CACNA2D1: variants seen among roughly 807,000 people sequenced by gnomAD.
CACNA2D1 encodes voltage-dependent calcium channel subunit alpha-2/delta-1.
In CACNA2D1, 53 loss-of-function variants were observed where a neutral mutation model predicts 171.5. The ratio of observed to expected loss-of-function variants is 0.31; its 90% CI spans 0.25 to 0.39. The LOEUF (loss-of-function observed/expected upper bound fraction) is 0.39. CACNA2D1 is among the 10% of genes least tolerant of loss of function. CACNA2D1 has a pLI of 1.00. For synonymous variants in CACNA2D1, 442 were observed against 443.1 expected, an observed-to-expected ratio of 1.00 and a Z score of 0.03; for missense variants, 903 against 1,299.8, an observed-to-expected ratio of 0.69 and a Z score of 4.69.
At chr7:82,274,093 A>G (rs986412375) in intron 3 of CACNA2D1, among the ~76,000 whole-genome samples, 2 of 151,912 alleles carry the variant, frequency 1.3e-5, no homozygotes, top group East Asian at 3.9e-4. Context: ...AACCACAGTG[A>G]CCCTCCTGAT....
intron 3 of CACNA2D1, among the ~76,000 whole-genome samples, chr7:82,325,526 A>G (rs1349950142): frequency 2.6e-5 from 4 of 152,160 alleles, no homozygotes; most frequent in Admixed American, 2.0e-4. Flanking sequence ...TAACTGGACA[A>G]ATGACAGACA....
Position 81,946,537 on chromosome 7 carries a change from A to G in CACNA2D1, c.*3855T>C. 1 of 152,300 alleles carries G rather than the reference A, an allele frequency of 6.6e-6. No individual in the cohort carries two copies. Among genetic ancestry groups the G allele is most frequent in the Admixed American group, 6.5e-5 (1 of 15,288 alleles). 9.4% of individuals were successfully genotyped at this position (152,300 alleles called of 1,614,324 possible). A position where few individuals can be genotyped will look rare whatever the true frequency, so the allele number is the denominator to read the frequency against. On this transcript the variant is annotated 3_prime_UTR_variant, in exon 39 of 39. Transcript: ENST00000356860. ...GGGATTATAAATATTTTATAACAGT[A>G]TTATACAAATTTTTACAAAATGTTT...
At chr7:82,187,331 T>C (rs1797876709) in intron 3 of CACNA2D1, among the ~76,000 whole-genome samples, 1 of 152,098 alleles carries the variant, frequency 6.6e-6, no homozygotes, top group African/African-American at 2.4e-5. Context: ...TTGGAATCCT[T>C]TCAAGCAACA....
At position 81,949,860 on chromosome 7, in the gene CACNA2D1, G is replaced by T. The variant is rs1193237758; in HGVS notation, c.*532C>A. 1 of 152,390 alleles carries T rather than the reference G, an allele frequency of 6.6e-6. No individual in the cohort carries two copies. The highest frequency in any genetic ancestry group is 1.9e-4 in the East Asian group (1 of 5,186). 9.4% of individuals were successfully genotyped at this position (152,390 alleles called of 1,614,324 possible). A position where few individuals can be genotyped will look rare whatever the true frequency, so the allele number is the denominator to read the frequency against. ...ATGGCAAATTTTTCATAGAAAATTA[G>T]CCATTATTTATATTTCAACAATTTA... On this transcript the variant is annotated 3_prime_UTR_variant, in exon 39 of 39. Coordinates refer to ENST00000356860, the MANE Select transcript of CACNA2D1 (RefSeq NM_000722.4).
intron 6 of CACNA2D1, among the ~76,000 whole-genome samples, chr7:82,115,314 T>G (rs1201768210): frequency 6.6e-6 from 1 of 152,070 alleles, no homozygotes; most frequent in East Asian, 1.9e-4. Context: ...ACCATATAGC[T>G]TAGCATTGTC....
chr7:82,183,047 A>G (rs1405591640), intron 3 of CACNA2D1, among the ~76,000 whole-genome samples: 5 of 152,006 alleles, frequency 3.3e-5, no homozygotes, highest in Non-Finnish European at 7.4e-5. Context: ...AAAAAAAAAA[A>G]AAAAAAGTGA....
Position 81,956,008 on chromosome 7 carries a change from A to G in CACNA2D1, c.3159+3267T>C, listed in dbSNP as rs139349688. Reference sequence around the variant, plus strand: ...TTTTTTTTTTTTTTTTTTTTTTGGAAATGGAGTCTAGCTCTGTGATCTAGG... The same window carrying G: ...TTTTTTTTTTTTTTTTTTTTTTGGAGATGGAGTCTAGCTCTGTGATCTAGG... On this transcript the variant is annotated intron_variant, in intron 38 of 38. Coordinates refer to ENST00000356860, the MANE Select transcript of CACNA2D1 (RefSeq NM_000722.4). Among the ~76,000 whole-genome samples the G allele has an allele frequency of 7.1e-3, 749 of 105,112 alleles. 8 individuals carry two copies. The highest frequency in any genetic ancestry group is 0.027 in the African/African-American group (708 of 26,692). 69.0% of individuals were successfully genotyped at this position (105,112 alleles called of 152,430 possible).
intron 3 of CACNA2D1, among the ~76,000 whole-genome samples, chr7:82,266,786 G>A (rs904855612): frequency 1.3e-5 from 2 of 152,068 alleles, no homozygotes; most frequent in African/African-American, 4.8e-5. Context: ...CAAAGTGCTG[G>A]GATTACAGGG....
rs1312208154 is a variant in CACNA2D1, at chr7:82,249,089, C to G, written c.295-78480G>C. 4.0e-5 allele frequency among the ~76,000 whole-genome samples: 6 copies of G among 150,880 alleles called. No homozygotes were observed. The South Asian group carries it at 1.3e-3, about 32-fold the overall frequency. On this transcript the variant is annotated intron_variant, in intron 3 of 38. Coordinates refer to ENST00000356860, the MANE Select transcript of CACNA2D1 (RefSeq NM_000722.4). ...TGAGATCGCGCCACTGCACTCCAGC[C>G]TGGGTGACAGAGTGAGACTCCATCT... is the stretch of plus-strand genomic sequence containing the variant.
intron 4 of CACNA2D1, among the ~76,000 whole-genome samples, chr7:82,165,719 T>C (rs550192605): frequency 6.6e-6 from 1 of 152,036 alleles, no homozygotes; most frequent in East Asian, 1.9e-4. Flanking sequence ...ATGATGAAGA[T>C]AAAGTCTCAA....
Position 82,429,999 on chromosome 7 carries a change from A to G in CACNA2D1, c.95+13366T>C, listed in dbSNP as rs1829535874. The stretch of plus-strand genomic sequence containing the variant: ...AGTCCCCCAACATTTTTGCAGATGT[A>G]AATTTAAGTCAATTCTAATAAAATG... On this transcript the variant is annotated intron_variant, in intron 1 of 38. Coordinates refer to ENST00000356860, the MANE Select transcript of CACNA2D1 (RefSeq NM_000722.4). 2.6e-5 allele frequency among the ~76,000 whole-genome samples: 4 copies of G among 152,184 alleles called. No homozygotes were observed. In the South Asian group the frequency reaches 8.3e-4, roughly 31 times the overall value.
At chr7:82,265,399 T>G (rs1369964243) in intron 3 of CACNA2D1, among the ~76,000 whole-genome samples, 1 of 148,088 alleles carries the variant, frequency 6.8e-6, no homozygotes, top group East Asian at 2.0e-4. Context: ...TCTATGCATA[T>G]TAACAATTTT....
chr7:82,118,121 A>G (rs1789293573), intron 5 of CACNA2D1, among the ~76,000 whole-genome samples: 1 of 152,172 alleles, frequency 6.6e-6, no homozygotes, highest in South Asian at 2.1e-4. Flanking sequence ...TTGACTCTTG[A>G]GGCAGGAATG....
chr7:81,965,749 G>A, intron 31 of CACNA2D1, 84 bp from the exon 32 acceptor site: 1 of 813,470 alleles, frequency 1.2e-6, no homozygotes, highest in Non-Finnish European at 2.2e-6. Flanking sequence ...TACATGATTA[G>A]AGCAATAAAA....
chr7:82,136,740 A>T, intron 4 of CACNA2D1, 64 bp from the exon 5 acceptor site: 7 of 1,040,538 alleles, frequency 6.7e-6, no homozygotes, highest in Non-Finnish European at 1.0e-5. Flanking sequence ...AATACTGAAT[A>T]CATTTTATGC....
chr7:82,148,707 G>A (rs1241074862), intron 4 of CACNA2D1, among the ~76,000 whole-genome samples: 2 of 152,088 alleles, frequency 1.3e-5, no homozygotes, highest in Admixed American at 6.6e-5. Context: ...GCACAATCTC[G>A]GCTCAGTGCA....
intron 3 of CACNA2D1, among the ~76,000 whole-genome samples, chr7:82,302,425 T>C (rs1015471503): frequency 3.3e-5 from 5 of 151,600 alleles, no homozygotes; most frequent in Non-Finnish European, 7.4e-5. Context: ...TTTTTTTTTT[T>C]TGGAGACGGA....
At chr7:82,358,899 C>G (rs1227051468) in intron 1 of CACNA2D1, among the ~76,000 whole-genome samples, 2 of 151,114 alleles carry the variant, frequency 1.3e-5, no homozygotes, top group Non-Finnish European at 3.0e-5. Flanking sequence ...TCTTTATTTT[C>G]TTCCTCAGCT....
In CACNA2D1 at chr7:82,038,120, T is replaced by C. The variant is rs1420160064; in HGVS notation, c.995A>G (p.Asp332Gly). Residue 332 changes from aspartate to glycine, a missense_variant, in exon 11 of 39, where the codon GAT becomes GGT. Asp to Gly is a moderately conservative substitution (Grantham distance 94, BLOSUM62 -1). This residue lies in a region of CACNA2D1 where 623 missense variants were observed against 925.5 expected (regional missense o/e 0.67). Transcript: ENST00000356860. ...AGCAAAACTAAAGCCCTTCTTATAA[T>C]CTGTAATTCCTTTGGCTGTGATATT... The part of the protein sequence containing the change: ...VNNITAKGIT[D>G]YKKGFSFAFE... 6.2e-7 allele frequency: 1 copy of C among 1,613,842 alleles called. No homozygotes were observed. The highest frequency in any genetic ancestry group is 1.7e-5 in the Admixed American group (1 of 60,022).
Sources: allele counts gnomAD v4.1 joint callset (sites outside exome capture counted in the v4.1 genomes callset), GRCh38; gene constraint gnomAD v4.1.1; regional missense constraint gnomAD v4.1.1; transcripts MANE v1.5; gene names NCBI Gene and HGNC (gene_info 2026-07-23, HGNC 2026-07-21).